Variants in CCSER1 observed in about 807,000 individuals in gnomAD.
The protein encoded by CCSER1 is coiled-coil serine rich protein 1, also known as serine-rich coiled-coil domain-containing protein 1.
In CCSER1, 41 loss-of-function variants were observed where a neutral mutation model predicts 82.0. That is an observed-to-expected ratio of 0.50 (90% CI 0.39 to 0.65). The LOEUF is 0.65. Among genes scored for constraint, CCSER1 ranks in the 30% least tolerant of loss-of-function variants. The pLI is 0.00. For missense variants in CCSER1, 1,119 were observed against 1,064.2 expected (o/e 1.05, Z -0.72); for synonymous variants, 414 against 383.9 (o/e 1.08, Z -0.92).
chr4:90,201,058 GAGA>G (rs1281677597), intron 1 of CCSER1, among the ~76,000 whole-genome samples: 4 of 152,182 alleles, frequency 2.6e-5, no homozygotes, highest in African/African-American at 7.2e-5. Flanking sequence ...CCAGGAATAT[GAGA>G]AGAAGAGTAG....
chr4:91,141,574 T>G (rs1729035272), intron 10 of CCSER1, among the ~76,000 whole-genome samples: 1 of 152,222 alleles, frequency 6.6e-6, no homozygotes, highest in Non-Finnish European at 1.5e-5. Flanking sequence ...TTGTGAATAG[T>G]GCTGCAATGG....
intron 8 of CCSER1, among the ~76,000 whole-genome samples, chr4:90,898,249 C>T (rs10018195): frequency 0.046 from 3,940 of 85,878 alleles, 80 homozygotes; most frequent in African/African-American, 0.079. Flanking sequence ...TGAGGCCTTA[C>T]TTTTAAATCT....
chr4:90,200,061 GACACAC>G (rs71596519), intron 1 of CCSER1, among the ~76,000 whole-genome samples: 40 of 144,954 alleles, frequency 2.8e-4, no homozygotes, highest in Middle Eastern at 3.5e-3. Context: ...CGTGCACGCA[GACACAC>G]ACACACACAC....
chr4:90,329,282 G>GATA (rs145826851), intron 3 of CCSER1, among the ~76,000 whole-genome samples: 18 of 152,094 alleles, frequency 1.2e-4, no homozygotes, highest in Non-Finnish European at 5.9e-5. Flanking sequence ...TGTTTCAGAA[G>GATA]ATAATAATAA....
intron 8 of CCSER1, chr4:90,838,874 T>G (rs746103766): frequency 1.4e-5 from 23 of 1,612,478 alleles, no homozygotes; most frequent in Non-Finnish European, 1.9e-5. Context: ...TTGTGGAATG[T>G]ACAGTGCATA....
At chr4:90,722,366 T>C (rs1020074619) in intron 6 of CCSER1, among the ~76,000 whole-genome samples, 30 of 151,810 alleles carry the variant, frequency 2.0e-4, no homozygotes, top group African/African-American at 6.8e-4. Flanking sequence ...CTCAAGAGTC[T>C]TTTTTTCTGT....
chr4:91,003,075 C>G (rs1738183960), intron 9 of CCSER1, among the ~76,000 whole-genome samples: 1 of 152,158 alleles, frequency 6.6e-6, no homozygotes, highest in Non-Finnish European at 1.5e-5. Flanking sequence ...CGGGGGTTGT[C>G]TGCACAGAGT....
chr4:91,152,510 C>T (rs1255642132), intron 10 of CCSER1, among the ~76,000 whole-genome samples: 1 of 152,100 alleles, frequency 6.6e-6, no homozygotes, highest in African/African-American at 2.4e-5. Context: ...AGCATTCAGC[C>T]CATTTACATT....
chr4:90,468,492 T>A (rs947078636), intron 5 of CCSER1, 138 bp downstream of exon 5: 3 of 670,678 alleles, frequency 4.5e-6, no homozygotes, highest in Admixed American at 3.4e-5. Context: ...AATCATCTAT[T>A]CTATATTATC....
intron 3 of CCSER1, among the ~76,000 whole-genome samples, chr4:90,389,407 T>C (rs1750608150): frequency 6.6e-6 from 1 of 152,194 alleles, no homozygotes; most frequent in African/African-American, 2.4e-5. Flanking sequence ...TTCTGGATAA[T>C]GTATTTTCAT....
Position 91,554,322 on chromosome 4 carries a change from G to A in CCSER1, c.2218-44250G>A, listed in dbSNP as rs150963062. On this transcript the variant is annotated intron_variant, in intron 10 of 10. Transcript: ENST00000509176. Reference sequence around the variant, plus strand: ...TAATATATGATCTATCCTGGAGAGTGCTCACTACAGGCTTGAAAAGAATGT... The same window carrying A: ...TAATATATGATCTATCCTGGAGAGTACTCACTACAGGCTTGAAAAGAATGT... Among the ~76,000 whole-genome samples the A allele has an allele frequency of 1.2e-4, 18 of 151,378 alleles. 1 individual carries two copies. In the East Asian group the frequency reaches 2.9e-3, roughly 24 times the overall value.
intron 9 of CCSER1, among the ~76,000 whole-genome samples, chr4:90,956,491 G>C (rs1225640462): frequency 6.6e-6 from 1 of 152,034 alleles, no homozygotes; most frequent in Non-Finnish European, 1.5e-5. Flanking sequence ...ATTCAGACAG[G>C]CATCTAAAAT....
intron 5 of CCSER1, among the ~76,000 whole-genome samples, chr4:90,608,528 T>A (rs1014553004): frequency 6.6e-6 from 1 of 152,148 alleles, no homozygotes; most frequent in Non-Finnish European, 1.5e-5. Context: ...GGGAGGAGAA[T>A]ATACAAGGCA....
chr4:91,289,358 G>A (rs1366249552), intron 10 of CCSER1, among the ~76,000 whole-genome samples: 1 of 151,940 alleles, frequency 6.6e-6, no homozygotes, highest in African/African-American at 2.4e-5. Context: ...ACTGCCTAGT[G>A]ATAAAAGAAT....
chr4:91,557,706 T>C (rs1429038840), intron 10 of CCSER1, among the ~76,000 whole-genome samples: 4 of 151,250 alleles, frequency 2.6e-5, no homozygotes, highest in Non-Finnish European at 5.9e-5. Context: ...ATGAAGAAAA[T>C]ATAGTTTTTA....
intron 3 of CCSER1, among the ~76,000 whole-genome samples, chr4:90,340,711 C>T (rs923777242): frequency 2.6e-5 from 4 of 152,050 alleles, no homozygotes; most frequent in Non-Finnish European, 5.9e-5. Context: ...AGGTTTCCCC[C>T]TTTTTATTTC....
At chr4:91,576,851 T>C (rs1246635940) in intron 10 of CCSER1, among the ~76,000 whole-genome samples, 1 of 152,008 alleles carries the variant, frequency 6.6e-6, no homozygotes, top group East Asian at 1.9e-4. Flanking sequence ...GGATTAGGAA[T>C]ACTTAACCTA....
intron 4 of CCSER1, among the ~76,000 whole-genome samples, chr4:90,422,803 A>C (rs971747977): frequency 1.3e-5 from 2 of 152,206 alleles, no homozygotes; most frequent in South Asian, 4.1e-4. Flanking sequence ...TATTCGGGAT[A>C]AGGTTTAGAT....
intron 10 of CCSER1, among the ~76,000 whole-genome samples, chr4:91,374,254 C>T (rs1393118664): frequency 6.6e-6 from 1 of 152,078 alleles, no homozygotes; most frequent in Non-Finnish European, 1.5e-5. Flanking sequence ...GAAGAAGATG[C>T]CATCTAGGAC....
Sources: allele counts gnomAD v4.1 joint callset (sites outside exome capture counted in the v4.1 genomes callset), GRCh38; gene constraint gnomAD v4.1.1; transcripts MANE v1.5; gene names NCBI Gene and HGNC (gene_info 2026-07-23, HGNC 2026-07-21).